FBXW8: variants seen among roughly 807,000 people sequenced by gnomAD.
The protein encoded by FBXW8 is F-box and WD repeat domain containing 8.
A neutral mutation model predicts 65.3 loss-of-function variants in FBXW8; 57 were observed. The ratio of observed to expected loss-of-function variants is 0.87; its 90% CI spans 0.71 to 1.09. FBXW8 has a LOEUF of 1.09. Among genes scored for constraint, FBXW8 ranks in the 50% least tolerant of loss-of-function variants. The pLI is 0.00. For synonymous variants in FBXW8, 308 were observed against 330.2 expected, an observed-to-expected ratio of 0.93 and a Z score of 0.73; for missense variants, 777 against 814.8, an observed-to-expected ratio of 0.95 and a Z score of 0.57.
At chr12:116,924,772 A>G (rs569433593) in intron 1 of FBXW8, among the ~76,000 whole-genome samples, 2 of 152,270 alleles carry the variant, frequency 1.3e-5, no homozygotes, top group South Asian at 2.1e-4. Context: ...CATGCACACT[A>G]ATAAAAGAGG....
At chr12:117,019,103 GAC>G (rs759697145) in intron 8 of FBXW8, among the ~76,000 whole-genome samples, 5 of 152,168 alleles carry the variant, frequency 3.3e-5, no homozygotes, top group Non-Finnish European at 7.3e-5. Context: ...CTGTAAACGT[GAC>G]AGAGAGAGAC....
Position 116,988,722 on chromosome 12 carries a change from T to C in FBXW8, c.1092T>C (p.Ala364=), listed in dbSNP as rs1328390050. 2 of 1,614,170 alleles carry C rather than the reference T, an allele frequency of 1.2e-6. No homozygotes were observed. Among genetic ancestry groups the C allele is most frequent in the Non-Finnish European group, 8.5e-7 (1 of 1,180,038 alleles). The change falls in exon 7 of 11, where the codon GCT becomes GCC. Residue 364 remains alanine, a synonymous_variant. Transcript: ENST00000652555. The part of the protein sequence containing the change: ...TRRYPVAVAA[A]GDLMYLLKAE... ...GGTACCCTGTGGCAGTAGCCGCTGCTGGAGATCTGATGTACCTGCTCAAAG... is the reference window on the plus strand; with the variant it reads ...GGTACCCTGTGGCAGTAGCCGCTGCCGGAGATCTGATGTACCTGCTCAAAG...
intron 6 of FBXW8, among the ~76,000 whole-genome samples, chr12:116,988,129 A>G (rs1350203359): frequency 6.6e-6 from 1 of 152,214 alleles, no homozygotes; most frequent in Non-Finnish European, 1.5e-5. Flanking sequence ...TCTAGTTTTT[A>G]GCTAAGACAC....
At chr12:116,968,169 T>G (rs1434687637) in intron 5 of FBXW8, among the ~76,000 whole-genome samples, 4 of 152,240 alleles carry the variant, frequency 2.6e-5, no homozygotes, top group African/African-American at 9.6e-5. Context: ...ATTTTGTAAT[T>G]TAATGTTTTT....
chr12:116,985,153 G>T, intron 5 of FBXW8, 53 bp from the exon 6 acceptor site: 2 of 1,461,904 alleles, frequency 1.4e-6, no homozygotes, highest in South Asian at 2.8e-5. Flanking sequence ...TAAAATAATT[G>T]AACATATTAA....
intron 7 of FBXW8, among the ~76,000 whole-genome samples, chr12:117,000,499 G>T (rs1275991032): frequency 6.6e-6 from 1 of 152,232 alleles, no homozygotes. Flanking sequence ...CTGAGCACTG[G>T]CCCCACCCCC....
intron 2 of FBXW8, among the ~76,000 whole-genome samples, chr12:116,937,902 G>T (rs768273408): frequency 1.3e-4 from 19 of 151,332 alleles, no homozygotes; most frequent in Non-Finnish European, 2.2e-4. Flanking sequence ...AAAGCAAAAT[G>T]CTGGAGACAC....
At chr12:116,954,111 CAAA>C (rs59747365) in intron 4 of FBXW8, among the ~76,000 whole-genome samples, 27 of 100,628 alleles carry the variant, frequency 2.7e-4, no homozygotes, top group South Asian at 6.5e-4. Context: ...GACTCTGTCT[CAAA>C]AAAAAAAAAA....
Position 116,936,117 on chromosome 12 carries a change from G to A in FBXW8, c.423+7990G>A, listed in dbSNP as rs910054613. On this transcript the variant is annotated intron_variant, in intron 2 of 10. Transcript: ENST00000652555. This position sits in a 1 kb window ranked among gnomAD's most constrained non-coding sequence, Gnocchi z 4.6. ...GAACAAGACAGTAGAGGTGATATGG[G>A]GGTTGCACTTTTGAGTGGCCAGGGA... Among the ~76,000 whole-genome samples the A allele has an allele frequency of 2.0e-5, 3 of 152,202 alleles. No individual in the cohort carries two copies. The highest frequency in any genetic ancestry group is 7.2e-5 in the African/African-American group (3 of 41,436).
chr12:116,977,064 G>A (rs1884993315), intron 5 of FBXW8, among the ~76,000 whole-genome samples: 1 of 152,192 alleles, frequency 6.6e-6, no homozygotes, highest in Non-Finnish European at 1.5e-5. Flanking sequence ...TTGTTGGGGG[G>A]ATTTGCATTG....
chr12:117,022,467 A>C (rs1031726710), intron 8 of FBXW8, among the ~76,000 whole-genome samples: 1 of 152,082 alleles, frequency 6.6e-6, no homozygotes, highest in African/African-American at 2.4e-5. Context: ...CAGCCTGAGC[A>C]ACACAGCAAA....
chr12:117,028,270 G>A lies in FBXW8; in HGVS notation c.*98G>A. 1.4e-6 allele frequency: 2 copies of A among 1,468,800 alleles called. No homozygotes were observed. The highest frequency in any genetic ancestry group is 3.9e-5 in the Admixed American group (2 of 51,800). 91.0% of individuals were successfully genotyped at this position (1,468,800 alleles called of 1,614,324 possible). ...CTCTTCACAGGTGGTAAACATTTAG[G>A]GGAAGAAAGCAGCCCAGGGTGCCAT... On this transcript the variant is annotated 3_prime_UTR_variant, in exon 11 of 11. Coordinates refer to ENST00000652555, the MANE Select transcript of FBXW8 (RefSeq NM_153348.3). This position sits in a 1 kb window ranked among gnomAD's most constrained non-coding sequence, Gnocchi z 4.1.
chr12:116,925,202 C>G (rs1174553850), intron 1 of FBXW8, among the ~76,000 whole-genome samples: 1 of 152,022 alleles, frequency 6.6e-6, no homozygotes, highest in Non-Finnish European at 1.5e-5. Context: ...CCTTTGTACC[C>G]AGCCATGGAC....
At chr12:116,978,787 G>C (rs1382881904) in intron 5 of FBXW8, 1 of 152,198 alleles carries the variant, frequency 6.6e-6, no homozygotes, top group Non-Finnish European at 1.5e-5. Context: ...AAAGATCAAA[G>C]GGGAGGGAAG....
chr12:117,029,908 GC>G lies in FBXW8; in HGVS notation c.*1739del, dbSNP rs1226376968. On this transcript the variant is annotated 3_prime_UTR_variant, in exon 11 of 11. Coordinates refer to ENST00000652555, the MANE Select transcript of FBXW8 (RefSeq NM_153348.3). Reference sequence around the variant, plus strand: ...TTACAGGTGTAAGTCACTGTACCCAGCCCAAAAGCAGTTTAAAAAAAAAAAA... The same window carrying G: ...TTACAGGTGTAAGTCACTGTACCCAGCCAAAAGCAGTTTAAAAAAAAAAAA... 1 of 151,256 alleles carries G rather than the reference GC, an allele frequency of 6.6e-6. No individual in the cohort carries two copies. Among genetic ancestry groups the G allele is most frequent in the Non-Finnish European group, 1.5e-5 (1 of 67,926 alleles). 9.4% of individuals were successfully genotyped at this position (151,256 alleles called of 1,614,324 possible).
chr12:117,022,638 G>A (rs1282665730), intron 8 of FBXW8, among the ~76,000 whole-genome samples: 2 of 152,162 alleles, frequency 1.3e-5, no homozygotes, highest in Non-Finnish European at 1.5e-5. Flanking sequence ...CTGGGTGATG[G>A]GAGTGAGGCC....
chr12:116,912,336 C>G (rs571185748), intron 1 of FBXW8, among the ~76,000 whole-genome samples: 63 of 152,054 alleles, frequency 4.1e-4, no homozygotes, highest in African/African-American at 1.4e-3. Context: ...TACACGCATG[C>G]GCCACCACAC....
At chr12:116,915,769 C>T (rs1442450656) in intron 1 of FBXW8, among the ~76,000 whole-genome samples, 3 of 150,500 alleles carry the variant, frequency 2.0e-5, no homozygotes, top group African/African-American at 7.4e-5. Flanking sequence ...TCTTGTGCCT[C>T]AGCCTCCTTA....
At chr12:116,999,790 C>G (rs1052026609) in intron 7 of FBXW8, among the ~76,000 whole-genome samples, 1 of 152,196 alleles carries the variant, frequency 6.6e-6, no homozygotes. Context: ...GCCAGGCCAG[C>G]GCCATCCTCA....
Sources: gnomAD v4.1 joint callset for allele counts (sites outside exome capture counted in the v4.1 genomes callset) on GRCh38, gnomAD v4.1.1 for gene constraint, Gnocchi (gnomAD v3.1) non-coding constraint, MANE v1.5 for transcripts, NCBI Gene and HGNC (gene_info 2026-07-23, HGNC 2026-07-21) for gene names.